The following FAT4 variants were observed in gnomAD, a reference collection of about 807,000 sequenced individuals.
FAT4 encodes the protein protocadherin Fat 4.
FAT4 carries 84 observed loss-of-function variants against 303.9 expected under a neutral mutation model. The observed-to-expected ratio is 0.28, with a 90% CI of 0.23 to 0.33. FAT4 has a LOEUF of 0.33. Ranked by LOEUF, FAT4 falls within the 10% of genes least tolerant of loss-of-function variation. The pLI is 1.00. For missense variants in FAT4, 6,005 were observed against 6,146.8 expected (o/e 0.98, Z 0.77); for synonymous variants, 2,307 against 2,298.8 (o/e 1.00, Z -0.10).
At chr4:125,349,639 C>T (rs780563790) in intron 2 of FAT4, among the ~76,000 whole-genome samples, 4 of 151,624 alleles carry the variant, frequency 2.6e-5, no homozygotes, top group Non-Finnish European at 5.9e-5. Flanking sequence ...ATATGACATG[C>T]ATGATTCAAT....
intron 7 of FAT4, 44 bp from the exon 8 acceptor site, chr4:125,434,201 T>G: frequency 6.4e-7 from 1 of 1,566,982 alleles, no homozygotes. Flanking sequence ...AATTTGTTAT[T>G]TTTTGTTTAT....
intron 2 of FAT4, among the ~76,000 whole-genome samples, chr4:125,348,452 G>A (rs1386221765): frequency 1.3e-5 from 2 of 151,506 alleles, no homozygotes; most frequent in Non-Finnish European, 3.0e-5. Context: ...TATCCCCAGC[G>A]CTGATCCTGA....
Position 125,320,531 on chromosome 4 carries a change from CT to C in FAT4, c.4122del (p.Ala1375ProfsTer14), listed in dbSNP as rs1730893578. On this transcript the variant is annotated frameshift_variant, in exon 2 of 18. Transcript: ENST00000394329. LOFTEE classifies it high-confidence loss of function. ...TAGCCCAAACACTGGGAGTATTTTT[CT>C]TGCCAAAAAACTGGACTTTGAAACA... ...SISPNTGSIF[L>X]AKKLDFETQS... 1 of 1,613,806 alleles carries C rather than the reference CT, an allele frequency of 6.2e-7. No homozygotes were observed. Among genetic ancestry groups the C allele is most frequent in the African/African-American group, 1.3e-5 (1 of 74,914 alleles).
chr4:125,426,276 T>C (rs1725083202), intron 7 of FAT4, among the ~76,000 whole-genome samples: 1 of 152,114 alleles, frequency 6.6e-6, no homozygotes, highest in Admixed American at 6.5e-5. Flanking sequence ...GCCTTGTCTG[T>C]TATGATCAAC....
At chr4:125,354,746 T>G (rs996943895) in intron 2 of FAT4, among the ~76,000 whole-genome samples, 5 of 108,540 alleles carry the variant, frequency 4.6e-5, no homozygotes, top group Non-Finnish European at 9.5e-5. Flanking sequence ...CCTTTCAGAG[T>G]TTAATGAAAA....
rs138462473 is a variant in FAT4, at chr4:125,329,614, T to C, written c.5175+8028T>C. Among the ~76,000 whole-genome samples the C allele has an allele frequency of 5.3e-3, 808 of 152,282 alleles. 5 individuals carry two copies. Among genetic ancestry groups the C allele is most frequent in the African/African-American group, 0.018 (735 of 41,554 alleles). ...ATCTCATAGCATTAAATGACATATA[T>C]ACACTGATGACTCCAAAATTTTGCC... On this transcript the variant is annotated intron_variant, in intron 2 of 17. Transcript: ENST00000394329.
intron 12 of FAT4, among the ~76,000 whole-genome samples, chr4:125,471,401 G>T (rs1035817080): frequency 2.0e-5 from 3 of 152,106 alleles, no homozygotes; most frequent in African/African-American, 7.2e-5. Flanking sequence ...TCTGCAAAGT[G>T]CAATAAAGTG....
At chr4:125,479,692 T>G (rs372368678) in intron 14 of FAT4, 49 bp from the exon 15 acceptor site, 1 of 1,464,088 alleles carries the variant, frequency 6.8e-7, no homozygotes, top group Non-Finnish European at 9.2e-7. Flanking sequence ...TTAGCAAACT[T>G]CTCCTCATCT....
chr4:125,379,844 T>A (rs1733472945), intron 2 of FAT4, among the ~76,000 whole-genome samples: 1 of 151,914 alleles, frequency 6.6e-6, no homozygotes, highest in African/African-American at 2.4e-5. Flanking sequence ...CACACACATA[T>A]ATATGTATAC....
intron 2 of FAT4, among the ~76,000 whole-genome samples, chr4:125,348,723 T>C (rs1732101010): frequency 6.6e-6 from 1 of 151,730 alleles, no homozygotes; most frequent in Non-Finnish European, 1.5e-5. Context: ...ATAATAGCCA[T>C]AATAATGTTG....
At position 125,414,935 on chromosome 4, in the gene FAT4, A is replaced by T. The variant is rs1262641083; in HGVS notation, c.5972A>T (p.Gln1991Leu). 6.2e-7 allele frequency: 1 copy of T among 1,613,138 alleles called. No individual in the cohort carries two copies. Among genetic ancestry groups the T allele is most frequent in the Non-Finnish European group, 8.5e-7 (1 of 1,179,354 alleles). ...ATTGCTTCAGGTGATAGCCTTGGGC[A>T]GTTTACTGTTGACAAGAATGGTGTA... is the stretch of plus-strand genomic sequence containing the variant. ...YSIASGDSLG[Q>L]FTVDKNGVLK... is the part of the protein sequence containing the mutation. Residue 1991 changes from glutamine (Q) to leucine (L), a missense_variant, in exon 6 of 18, where the codon CAG becomes CTG. Transcript: ENST00000394329.
At chr4:125,465,682 A>G (rs1450299557) in intron 11 of FAT4, among the ~76,000 whole-genome samples, 5 of 152,212 alleles carry the variant, frequency 3.3e-5, no homozygotes, top group African/African-American at 1.2e-4. Context: ...CTCTGTAGAC[A>G]TCGCCAGGGG....
intron 2 of FAT4, among the ~76,000 whole-genome samples, chr4:125,331,283 A>G (rs1397654900): frequency 6.6e-6 from 1 of 152,186 alleles, no homozygotes; most frequent in Admixed American, 6.5e-5. Context: ...TAAATCATTG[A>G]TAAGCTAAGG....
chr4:125,370,169 T>C (rs1733051715), intron 2 of FAT4, among the ~76,000 whole-genome samples: 1 of 152,022 alleles, frequency 6.6e-6, no homozygotes, highest in Admixed American at 6.6e-5. Flanking sequence ...TAGGTAAAAA[T>C]GTTACTTCTT....
chr4:125,446,661 C>A, intron 9 of FAT4, 118 bp downstream of exon 9: 1 of 1,060,936 alleles, frequency 9.4e-7, no homozygotes, highest in Admixed American at 2.9e-5. Context: ...TTTTGCAAAT[C>A]CTCTAAAATT....
At chr4:125,373,584 G>A (rs890810445) in intron 2 of FAT4, among the ~76,000 whole-genome samples, 45 of 152,174 alleles carry the variant, frequency 3.0e-4, no homozygotes, top group African/African-American at 1.0e-3. Flanking sequence ...GTACTATTAA[G>A]TAATGCTAAT....
chr4:125,372,792 A>G (rs1733172904), intron 2 of FAT4, among the ~76,000 whole-genome samples: 1 of 152,232 alleles, frequency 6.6e-6, no homozygotes, highest in Admixed American at 6.5e-5. Context: ...CCAGTGAGAA[A>G]GAAAATATGA....
intron 16 of FAT4, among the ~76,000 whole-genome samples, chr4:125,484,643 A>T (rs1727345933): frequency 6.6e-6 from 1 of 152,156 alleles, no homozygotes; most frequent in South Asian, 2.1e-4. Flanking sequence ...AACATCATAG[A>T]GTGAACTTGC....
intron 3 of FAT4, among the ~76,000 whole-genome samples, chr4:125,404,252 G>GGC (rs1734501106): frequency 6.6e-6 from 1 of 151,606 alleles, no homozygotes; most frequent in African/African-American, 2.4e-5. Flanking sequence ...CAGTCTCTTG[G>GGC]GCCCCAACTG....
Sources: allele counts gnomAD v4.1 joint callset (sites outside exome capture counted in the v4.1 genomes callset), GRCh38; gene constraint gnomAD v4.1.1; transcripts MANE v1.5; gene names NCBI Gene and HGNC (gene_info 2026-07-23, HGNC 2026-07-21).